The following RIMS2 variants were observed in gnomAD, a reference collection of about 807,000 sequenced individuals.
RIMS2 encodes regulating synaptic membrane exocytosis 2, also known as regulating synaptic membrane exocytosis protein 2.
In RIMS2, 59 loss-of-function variants were observed where a neutral mutation model predicts 174.4. The ratio of observed to expected loss-of-function variants is 0.34; its 90% CI spans 0.27 to 0.42. RIMS2 has a LOEUF of 0.42. Among genes scored for constraint, RIMS2 ranks in the 10% least tolerant of loss-of-function variants. The pLI is 1.00. For missense variants in RIMS2, 1,620 were observed against 1,666.3 expected (o/e 0.97, Z 0.48); for synonymous variants, 606 against 572.5 (o/e 1.06, Z -0.84).
chr8:103,540,600 A>G (rs1482686143), intron 1 of RIMS2, among the ~76,000 whole-genome samples: 1 of 152,244 alleles, frequency 6.6e-6, no homozygotes, highest in African/African-American at 2.4e-5. Context: ...AAATGACAAG[A>G]AACATGAGAA....
chr8:103,928,516 C>T (rs2079214123), intron 11 of RIMS2, among the ~76,000 whole-genome samples: 1 of 151,126 alleles, frequency 6.6e-6, no homozygotes, highest in Non-Finnish European at 1.5e-5. Flanking sequence ...AGTTGTTTGC[C>T]TCTTTTCATT....
At chr8:103,536,049 G>A (rs1472028704) in intron 1 of RIMS2, among the ~76,000 whole-genome samples, 1 of 152,166 alleles carries the variant, frequency 6.6e-6, no homozygotes, top group Non-Finnish European at 1.5e-5. Context: ...AGTAGAAGCA[G>A]CTAATAATAA....
At chr8:104,005,642 C>T (rs192831243) in intron 17 of RIMS2, among the ~76,000 whole-genome samples, 1 of 152,138 alleles carries the variant, frequency 6.6e-6, no homozygotes, top group African/African-American at 2.4e-5. Flanking sequence ...TACTTGATAG[C>T]CAAGAATCAC....
At chr8:103,739,489 T>C (rs1223120588) in intron 2 of RIMS2, among the ~76,000 whole-genome samples, 1 of 152,202 alleles carries the variant, frequency 6.6e-6, no homozygotes, top group Non-Finnish European at 1.5e-5. Flanking sequence ...GTAACAAACC[T>C]GCACGTTGTG....
chr8:103,740,543 T>C (rs528581923), intron 2 of RIMS2, among the ~76,000 whole-genome samples: 26 of 152,316 alleles, frequency 1.7e-4, no homozygotes, highest in African/African-American at 6.3e-4. Context: ...TGGAGGAAGC[T>C]GAATATTATA....
intron 1 of RIMS2, among the ~76,000 whole-genome samples, chr8:103,579,681 C>T (rs115654645): frequency 6.6e-6 from 1 of 152,016 alleles, no homozygotes; most frequent in Non-Finnish European, 1.5e-5. Flanking sequence ...TTCATGGTAA[C>T]CACAATGCCA....
chr8:104,189,137 C>A (rs905255565), intron 19 of RIMS2, among the ~76,000 whole-genome samples: 4 of 151,884 alleles, frequency 2.6e-5, no homozygotes, highest in African/African-American at 9.7e-5. Context: ...GAACAATAAG[C>A]AGCCAGACTT....
chr8:103,957,448 T>G (rs1417904454), intron 14 of RIMS2, among the ~76,000 whole-genome samples: 3 of 152,216 alleles, frequency 2.0e-5, no homozygotes, highest in African/African-American at 7.2e-5. Context: ...TGAGTTCATG[T>G]CCTTTGCAGG....
intron 19 of RIMS2, among the ~76,000 whole-genome samples, chr8:104,061,332 T>G (rs975209959): frequency 6.6e-6 from 1 of 152,160 alleles, no homozygotes; most frequent in African/African-American, 2.4e-5. Context: ...GTAATGGCTT[T>G]CTTTGTCTCT....
chr8:103,952,842 C>T (rs1329120326), intron 14 of RIMS2, among the ~76,000 whole-genome samples: 1 of 152,142 alleles, frequency 6.6e-6, no homozygotes, highest in Admixed American at 6.5e-5. Context: ...TCCTCACCCA[C>T]TGCAAGGAAG....
At chr8:103,564,539 G>A (rs1205089909) in intron 1 of RIMS2, among the ~76,000 whole-genome samples, 1 of 152,208 alleles carries the variant, frequency 6.6e-6, no homozygotes, top group Non-Finnish European at 1.5e-5. Flanking sequence ...TTCAGTCTGT[G>A]GTTGAAGGTC....
intron 2 of RIMS2, among the ~76,000 whole-genome samples, chr8:103,745,379 C>T (rs1334661516): frequency 6.6e-6 from 1 of 152,000 alleles, no homozygotes; most frequent in Non-Finnish European, 1.5e-5. Flanking sequence ...AATCGAAAGA[C>T]ACTTTTGTTG....
At chr8:104,117,994 A>G (rs2098307171) in intron 19 of RIMS2, among the ~76,000 whole-genome samples, 1 of 152,198 alleles carries the variant, frequency 6.6e-6, no homozygotes, top group Admixed American at 6.5e-5. Flanking sequence ...CAAGAACTTA[A>G]ATAGAACTGG....
intron 5 of RIMS2, chr8:103,910,467 G>C (rs2075448259): frequency 6.3e-7 from 1 of 1,596,734 alleles, no homozygotes; most frequent in Non-Finnish European, 8.5e-7. Flanking sequence ...TCAGATTAAG[G>C]ACTCTGGGGT....
At chr8:104,128,549 T>C (rs2098449294) in intron 19 of RIMS2, among the ~76,000 whole-genome samples, 1 of 151,942 alleles carries the variant, frequency 6.6e-6, no homozygotes, top group Non-Finnish European at 1.5e-5. Flanking sequence ...AATACAAAAT[T>C]AGCTGGGCGT....
intron 1 of RIMS2, among the ~76,000 whole-genome samples, chr8:103,659,808 G>A (rs949148308): frequency 6.6e-6 from 1 of 152,220 alleles, no homozygotes; most frequent in African/African-American, 2.4e-5. Context: ...GACGAGTGGA[G>A]CGTTTCACTG....
Position 103,531,651 on chromosome 8 carries a change from A to G in RIMS2, c.176+30589A>G, listed in dbSNP as rs557622152. Among the ~76,000 whole-genome samples the G allele has an allele frequency of 5.0e-4, 76 of 152,362 alleles. 2 individuals carry two copies. The Middle Eastern group carries it at 0.014, about 27-fold the overall frequency. ...AATGATTTTAAAACATCAAAAGAATATGACTCATAAAAAATATGGAGTTCA... is the reference window on the plus strand; with the variant it reads ...AATGATTTTAAAACATCAAAAGAATGTGACTCATAAAAAATATGGAGTTCA... On this transcript the variant is annotated intron_variant, in intron 1 of 23. Transcript: ENST00000504942.
intron 1 of RIMS2, among the ~76,000 whole-genome samples, chr8:103,594,116 G>A (rs145579411): frequency 3.3e-5 from 5 of 151,622 alleles, no homozygotes; most frequent in Non-Finnish European, 7.4e-5. Flanking sequence ...GCGTGTACAT[G>A]TGCAGAACAG....
chr8:103,661,582 C>A (rs1427859562), intron 1 of RIMS2, among the ~76,000 whole-genome samples: 1 of 152,112 alleles, frequency 6.6e-6, no homozygotes, highest in Non-Finnish European at 1.5e-5. Context: ...TGGCTCACTG[C>A]AACTTCTGCC....
Sources: gnomAD v4.1 joint callset for allele counts (sites outside exome capture counted in the v4.1 genomes callset) on GRCh38, gnomAD v4.1.1 for gene constraint, MANE v1.5 for transcripts, NCBI Gene and HGNC (gene_info 2026-07-23, HGNC 2026-07-21) for gene names.